The following LEKR1 variants were observed in gnomAD, a reference collection of about 807,000 sequenced individuals.
LEKR1 encodes leucine, glutamate and lysine rich 1.
LEKR1 carries 59 observed loss-of-function variants against 72.4 expected under a neutral mutation model. That is an observed-to-expected ratio of 0.82 (90% CI 0.66 to 1.01). LEKR1 has a LOEUF of 1.01. LEKR1 is among the 50% of genes least tolerant of loss of function. The probability of loss-of-function intolerance (pLI) is 0.00; values close to 1 mark genes in which losing one functional copy is unlikely to be tolerated. For missense variants in LEKR1, 728 were observed against 759.2 expected (o/e 0.96, Z 0.48); for synonymous variants, 257 against 263.2 (o/e 0.98, Z 0.23).
chr3:156,976,361 G>A (rs953516546), intron 6 of LEKR1, among the ~76,000 whole-genome samples: 1 of 151,744 alleles, frequency 6.6e-6, no homozygotes, highest in Non-Finnish European at 1.5e-5. Flanking sequence ...TTATCATATG[G>A]GCTCAGACCT....
Position 157,045,341 on chromosome 3 carries a change from A to G in LEKR1, c.1670A>G (p.Asn557Ser). 6.2e-7 allele frequency: 1 copy of G among 1,604,834 alleles called. No homozygotes were observed. The highest frequency in any genetic ancestry group is 8.5e-7 in the Non-Finnish European group (1 of 1,173,966). ...TTCTTTTCCCCTCTCTCTTTTCAGA[A>G]TACTTTTCTTCAGGAGACAGTGCGT... ...IEQFNQSQEE[N>S]TFLQETVRRE... Residue 557 changes from asparagine to serine, a missense_variant and splice_region_variant, in exon 13 of 13, where the codon AAT becomes AGT. Coordinates refer to ENST00000356539, the MANE Select transcript of LEKR1 (RefSeq NM_001004316.3).
chr3:156,968,181 G>A (rs1292700243), intron 6 of LEKR1, among the ~76,000 whole-genome samples: 1 of 152,320 alleles, frequency 6.6e-6, no homozygotes, highest in East Asian at 1.9e-4. Flanking sequence ...ATGACAAATT[G>A]TAAAGACCAT....
At chr3:156,966,160 G>T (rs1728559788) in intron 6 of LEKR1, among the ~76,000 whole-genome samples, 1 of 152,134 alleles carries the variant, frequency 6.6e-6, no homozygotes, top group Non-Finnish European at 1.5e-5. Flanking sequence ...GAGCCAAGAT[G>T]GCCGAATAGG....
chr3:156,994,488 T>G (rs1378269966), intron 9 of LEKR1, among the ~76,000 whole-genome samples: 1 of 152,296 alleles, frequency 6.6e-6, no homozygotes, highest in East Asian at 1.9e-4. Flanking sequence ...CCATTTACTC[T>G]TCACCCTTCA....
intron 4 of LEKR1, among the ~76,000 whole-genome samples, chr3:156,921,800 C>G (rs1403073756): frequency 6.6e-6 from 1 of 152,136 alleles, no homozygotes; most frequent in African/African-American, 2.4e-5. Context: ...GGGACTAGAC[C>G]AAATAATTAT....
chr3:156,925,448 C>T (rs1036568129), intron 4 of LEKR1, among the ~76,000 whole-genome samples: 20 of 151,938 alleles, frequency 1.3e-4, no homozygotes, highest in African/African-American at 3.4e-4. Flanking sequence ...TTCATACCTA[C>T]TTCCAGGTTG....
intron 4 of LEKR1, among the ~76,000 whole-genome samples, chr3:156,921,390 G>A (rs1246289450): frequency 6.6e-6 from 1 of 152,056 alleles, no homozygotes; most frequent in Non-Finnish European, 1.5e-5. Context: ...TTTTATCTAA[G>A]AATTATTACC....
chr3:157,037,435 T>C (rs1245619739), intron 12 of LEKR1, among the ~76,000 whole-genome samples: 4 of 152,132 alleles, frequency 2.6e-5, no homozygotes, highest in African/African-American at 4.8e-5. Flanking sequence ...GCAAGGAATA[T>C]TGAAGAAAAA....
chr3:157,007,150 C>T (rs535778655), intron 9 of LEKR1, among the ~76,000 whole-genome samples: 10 of 152,036 alleles, frequency 6.6e-5, no homozygotes, highest in African/African-American at 2.4e-4. Context: ...TGCAGTGAGC[C>T]GAGATCCGCC....
chr3:156,978,048 A>T (rs1729854529), intron 6 of LEKR1, among the ~76,000 whole-genome samples: 1 of 152,202 alleles, frequency 6.6e-6, no homozygotes, highest in African/African-American at 2.4e-5. Context: ...AACTTTTTTT[A>T]GAGATGCTAA....
At chr3:157,035,355 C>T (rs978964484) in intron 12 of LEKR1, among the ~76,000 whole-genome samples, 3 of 152,102 alleles carry the variant, frequency 2.0e-5, no homozygotes, top group African/African-American at 7.2e-5. Context: ...CAGAGATGTC[C>T]TCCCAGTTCC....
At chr3:156,829,876 C>T (rs1712134098) in intron 2 of LEKR1, among the ~76,000 whole-genome samples, 1 of 151,952 alleles carries the variant, frequency 6.6e-6, no homozygotes, top group South Asian at 2.1e-4. Context: ...TGAAAAAACT[C>T]ACAGGCGAAC....
intron 12 of LEKR1, among the ~76,000 whole-genome samples, chr3:157,044,060 C>G (rs1735567079): frequency 6.6e-6 from 1 of 152,188 alleles, no homozygotes; most frequent in Non-Finnish European, 1.5e-5. Context: ...ATACTACTGT[C>G]CCTGGTGCTT....
intron 3 of LEKR1, among the ~76,000 whole-genome samples, chr3:156,902,409 T>C (rs1722122703): frequency 6.6e-6 from 1 of 152,112 alleles, no homozygotes; most frequent in South Asian, 2.1e-4. Flanking sequence ...GTGAGAAAAA[T>C]ATTTAAAAGC....
chr3:156,972,613 A>G (rs1385595749), intron 6 of LEKR1, among the ~76,000 whole-genome samples: 1 of 151,748 alleles, frequency 6.6e-6, no homozygotes, highest in African/African-American at 2.4e-5. Context: ...CTTGATTGTA[A>G]TTTATATAAG....
chr3:156,987,878 A>C (rs995982837), intron 7 of LEKR1, among the ~76,000 whole-genome samples: 1 of 152,202 alleles, frequency 6.6e-6, no homozygotes, highest in Non-Finnish European at 1.5e-5. Context: ...CAATCATAAC[A>C]AGGCAATCTT....
At chr3:156,916,771 G>C (rs1015344346) in intron 3 of LEKR1, among the ~76,000 whole-genome samples, 1 of 152,012 alleles carries the variant, frequency 6.6e-6, no homozygotes, top group Non-Finnish European at 1.5e-5. Flanking sequence ...TGATTACTCT[G>C]GTCAGAACTT....
In LEKR1 at chr3:156,979,194, A is replaced by T; in HGVS notation, c.746A>T (p.Asp249Val). The change falls in exon 7 of 13, where the codon GAT (aspartate) becomes GTT (valine). Residue 249 changes from aspartate (D) to valine (V), a missense_variant and splice_region_variant. Coordinates refer to ENST00000356539, the MANE Select transcript of LEKR1 (RefSeq NM_001004316.3). ...RCYDLQKEVL[D>V]LQCLVEALGL... ...GATGAAATACATTGTGTCATTTCAG[A>T]TTTACAATGTCTAGTAGAGGCACTT... The T allele has an allele frequency of 8.0e-7, 1 of 1,256,802 alleles. No homozygotes were observed. The highest frequency in any genetic ancestry group is 1.2e-5 in the South Asian group (1 of 80,328). 77.9% of individuals were successfully genotyped at this position (1,256,802 alleles called of 1,614,324 possible). A position where few individuals can be genotyped will look rare whatever the true frequency, so the allele number is the denominator to read the frequency against.
chr3:156,903,185 AT>A (rs1214856982), intron 3 of LEKR1, among the ~76,000 whole-genome samples: 1 of 152,166 alleles, frequency 6.6e-6, no homozygotes, highest in Non-Finnish European at 1.5e-5. Context: ...ATAAAAATGA[AT>A]ATTCCCACAA....
Sources: allele counts gnomAD v4.1 joint callset (sites outside exome capture counted in the v4.1 genomes callset), GRCh38; gene constraint gnomAD v4.1.1; transcripts MANE v1.5; gene names NCBI Gene and HGNC (gene_info 2026-07-23, HGNC 2026-07-21).